GRM8: variants seen among roughly 807,000 people sequenced by gnomAD.
GRM8 encodes glutamate metabotropic receptor 8.
GRM8 carries 47 observed loss-of-function variants against 87.2 expected under a neutral mutation model. The ratio of observed to expected loss-of-function variants is 0.54; its 90% CI spans 0.43 to 0.69. The LOEUF (loss-of-function observed/expected upper bound fraction) is 0.69, where lower values mean the gene tolerates loss of function less well. Among genes scored for constraint, GRM8 ranks in the 30% least tolerant of loss-of-function variants. GRM8 has a pLI of 0.00. For missense variants in GRM8, 1,019 were observed against 1,139.2 expected, an observed-to-expected ratio of 0.89 and a Z score of 1.52; for synonymous variants, 396 against 404.5, an observed-to-expected ratio of 0.98 and a Z score of 0.25.
chr7:126,709,937 T>C (rs553851457), intron 7 of GRM8, among the ~76,000 whole-genome samples: 182 of 152,332 alleles, frequency 1.2e-3, no homozygotes, highest in African/African-American at 4.3e-3. Flanking sequence ...AATACCATTA[T>C]GTTCTCACTT....
intron 6 of GRM8, among the ~76,000 whole-genome samples, chr7:126,801,945 T>C (rs1208501328): frequency 6.6e-6 from 1 of 152,204 alleles, no homozygotes; most frequent in Non-Finnish European, 1.5e-5. Flanking sequence ...GTGAGTTGCC[T>C]AATGGTTTAT....
chr7:127,113,274 A>G (rs1826492075), intron 2 of GRM8, among the ~76,000 whole-genome samples: 1 of 152,112 alleles, frequency 6.6e-6, no homozygotes, highest in African/African-American at 2.4e-5. Flanking sequence ...TTTGCTAAAT[A>G]TCCCAAGGAA....
intron 7 of GRM8, among the ~76,000 whole-genome samples, chr7:126,634,290 G>T (rs1390038317): frequency 1.3e-5 from 2 of 152,082 alleles, no homozygotes; most frequent in African/African-American, 4.8e-5. Context: ...CTTGTTAAGT[G>T]CCCCTAGCAT....
chr7:127,083,969 C>T (rs1320474797), intron 3 of GRM8, among the ~76,000 whole-genome samples: 1 of 152,080 alleles, frequency 6.6e-6, no homozygotes, highest in East Asian at 1.9e-4. Context: ...AACATACTAC[C>T]CGGAAATATG....
At chr7:126,670,645 A>T (rs1271142896) in intron 7 of GRM8, among the ~76,000 whole-genome samples, 4 of 152,228 alleles carry the variant, frequency 2.6e-5, no homozygotes, top group Non-Finnish European at 1.5e-5. Flanking sequence ...ATAACTTTAG[A>T]GACTGTAACA....
Position 127,243,329 on chromosome 7 carries a change from G to T in GRM8, c.-125C>A. 1 of 792,550 alleles carries T rather than the reference G, an allele frequency of 1.3e-6. No homozygotes were observed. Among genetic ancestry groups the T allele is most frequent in the South Asian group, 1.8e-5 (1 of 54,408 alleles). The allele number at this position is 792,550 out of a possible 1,614,324, so 49.1% of individuals were successfully genotyped here. ...GGGCCCATGGGGAAAAGGCTCTGTG[G>T]GCATTAGCAAGTTTTCTTGATTTGA... On this transcript the variant is annotated 5_prime_UTR_variant, in exon 2 of 11. Transcript: ENST00000339582.
rs138529587 is a variant in GRM8, at chr7:126,749,356, C to T, written c.1357+20509G>A. ...TATAAGAGCTAAAACTATAAAACTT[C>T]GAGAAGAAACAATGAAAAAAAAATT... On this transcript the variant is annotated intron_variant, in intron 7 of 10. Transcript: ENST00000339582. Among the ~76,000 whole-genome samples the T allele has an allele frequency of 4.3e-3, 657 of 151,440 alleles. 7 individuals carry two copies. Among genetic ancestry groups the T allele is most frequent in the South Asian group, 0.033 (160 of 4,804 alleles).
At chr7:126,574,755 T>A (rs1794967113) in intron 8 of GRM8, among the ~76,000 whole-genome samples, 2 of 152,048 alleles carry the variant, frequency 1.3e-5, no homozygotes, top group East Asian at 1.9e-4. Flanking sequence ...CACTGTACTA[T>A]TTTTTTTAGA....
At chr7:126,871,707 G>C (rs1799112553) in intron 6 of GRM8, among the ~76,000 whole-genome samples, 2 of 152,170 alleles carry the variant, frequency 1.3e-5, no homozygotes, top group African/African-American at 4.8e-5. Context: ...AGTTGTTAAA[G>C]AGCCTGCCAA....
At chr7:127,057,355 T>C (rs1586874807) in intron 3 of GRM8, among the ~76,000 whole-genome samples, 1 of 152,208 alleles carries the variant, frequency 6.6e-6, no homozygotes, top group Admixed American at 6.5e-5. Flanking sequence ...GTAGAGTCTA[T>C]GTAGCTCTGG....
chr7:126,667,612 GGAGAA>G (rs1257263897), intron 7 of GRM8, among the ~76,000 whole-genome samples: 1 of 152,168 alleles, frequency 6.6e-6, no homozygotes, highest in African/African-American at 2.4e-5. Flanking sequence ...TCAAAGCTGA[GGAGAA>G]GGTGGAAGGG....
Position 126,446,300 on chromosome 7 carries a change from T to C in GRM8, c.2503A>G (p.Met835Val), listed in dbSNP as rs754318321. 6.2e-7 allele frequency: 1 copy of C among 1,611,028 alleles called. No homozygotes were observed. The highest frequency in any genetic ancestry group is 8.5e-7 in the Non-Finnish European group (1 of 1,177,910). The change falls in exon 10 of 11, where the codon ATG becomes GTG. Residue 835 changes from methionine (M) to valine (V), a missense_variant. Physicochemically the swap from Met to Val is conservative, Grantham distance 21. Transcript: ENST00000339582. ...AAAATTATAATATAAACCTTGGGCA[T>C]ATAGAGCATGCCCAGAGATACTGAA... is the stretch of plus-strand genomic sequence containing the variant. ...SASVSLGMLY[M>V]PKVYIIIFHP...
intron 3 of GRM8, among the ~76,000 whole-genome samples, chr7:126,980,726 G>C (rs1203328818): frequency 6.6e-6 from 1 of 152,084 alleles, no homozygotes. Context: ...AATTTCTCTT[G>C]AACTATTACC....
At chr7:126,584,728 C>T (rs929554206) in intron 8 of GRM8, among the ~76,000 whole-genome samples, 6 of 152,054 alleles carry the variant, frequency 3.9e-5, no homozygotes, top group African/African-American at 7.2e-5. Flanking sequence ...TCCCAAATAA[C>T]GTTTGTCGTT....
chr7:127,148,638 A>G (rs1175119144), intron 2 of GRM8, among the ~76,000 whole-genome samples: 1 of 152,058 alleles, frequency 6.6e-6, no homozygotes, highest in Non-Finnish European at 1.5e-5. Flanking sequence ...GTTTCAGGCC[A>G]CAGTGGTATG....
At chr7:126,988,600 G>C (rs1220034268) in intron 3 of GRM8, among the ~76,000 whole-genome samples, 1 of 152,122 alleles carries the variant, frequency 6.6e-6, no homozygotes, top group Admixed American at 6.6e-5. Flanking sequence ...TTTTCTGCCA[G>C]CAAAGCCATA....
intron 6 of GRM8, among the ~76,000 whole-genome samples, chr7:126,798,470 C>T (rs1381708751): frequency 6.6e-6 from 1 of 152,010 alleles, no homozygotes; most frequent in Admixed American, 6.6e-5. Flanking sequence ...TCAACATGTC[C>T]TTAAGGCCAC....
At chr7:126,997,478 G>T (rs1586708704) in intron 3 of GRM8, among the ~76,000 whole-genome samples, 1 of 128,872 alleles carries the variant, frequency 7.8e-6, no homozygotes, top group African/African-American at 2.9e-5. Context: ...AAACATAAAA[G>T]ATAAACAAAA....
At chr7:127,081,989 T>C (rs148374793) in intron 3 of GRM8, 2 of 151,978 alleles carry the variant, frequency 1.3e-5, no homozygotes, top group Non-Finnish European at 2.9e-5. Context: ...AAGAAAGTAA[T>C]AGTAATTTCA....
Sources: allele counts gnomAD v4.1 joint callset (sites outside exome capture counted in the v4.1 genomes callset), GRCh38; gene constraint gnomAD v4.1.1; transcripts MANE v1.5; gene names NCBI Gene and HGNC (gene_info 2026-07-23, HGNC 2026-07-21).